The following SETBP1 variants were observed in gnomAD, a reference collection of about 807,000 sequenced individuals.
The protein encoded by SETBP1 is SET-binding protein.
In SETBP1, 9 loss-of-function variants were observed where a neutral mutation model predicts 101.0. The ratio of observed to expected loss-of-function variants is 0.09; its 90% CI spans 0.05 to 0.16. The LOEUF (loss-of-function observed/expected upper bound fraction) is 0.16, where lower values mean the gene tolerates loss of function less well. Ranked by LOEUF, SETBP1 falls within the 10% of genes least tolerant of loss-of-function variation. SETBP1 has a pLI of 1.00. For missense variants in SETBP1, 1,858 were observed against 2,033.8 expected, an observed-to-expected ratio of 0.91 and a Z score of 1.66; for synonymous variants, 818 against 788.5, an observed-to-expected ratio of 1.04 and a Z score of -0.63.
intron 3 of SETBP1, among the ~76,000 whole-genome samples, chr18:44,874,310 T>C (rs1261934872): frequency 6.6e-6 from 1 of 152,242 alleles, no homozygotes; most frequent in Non-Finnish European, 1.5e-5. Flanking sequence ...CATGTTTTAG[T>C]TGATTTGTCT....
At chr18:44,716,075 A>T (rs1392435027) in intron 2 of SETBP1, among the ~76,000 whole-genome samples, 1 of 151,660 alleles carries the variant, frequency 6.6e-6, no homozygotes, top group Non-Finnish European at 1.5e-5. Flanking sequence ...CTTTCAGAAG[A>T]TTTTTTTTTA....
At chr18:44,991,626 A>G (rs1392115604) in intron 4 of SETBP1, among the ~76,000 whole-genome samples, 1 of 152,194 alleles carries the variant, frequency 6.6e-6, no homozygotes, top group African/African-American at 2.4e-5. Context: ...TGTGCATAAT[A>G]ACATAGTTTA....
At chr18:44,825,473 C>T (rs1344394195) in intron 2 of SETBP1, among the ~76,000 whole-genome samples, 2 of 152,286 alleles carry the variant, frequency 1.3e-5, no homozygotes, top group East Asian at 3.9e-4. Flanking sequence ...AGAATTGTCT[C>T]TTATATAGTA....
intron 4 of SETBP1, among the ~76,000 whole-genome samples, chr18:45,017,032 C>G (rs1214838218): frequency 1.3e-5 from 2 of 152,162 alleles, no homozygotes. Context: ...TTTGTCTCGT[C>G]CTTTGTTTTC....
At chr18:44,697,885 C>T (rs1361409999) in intron 1 of SETBP1, among the ~76,000 whole-genome samples, 5 of 152,166 alleles carry the variant, frequency 3.3e-5, no homozygotes, top group Admixed American at 6.5e-5. Flanking sequence ...TTCATTCCTT[C>T]GTGCAACAAA....
chr18:44,760,090 A>T (rs931177082), intron 2 of SETBP1, among the ~76,000 whole-genome samples: 7 of 152,218 alleles, frequency 4.6e-5, no homozygotes, highest in Non-Finnish European at 1.0e-4. Context: ...TAACAGTACT[A>T]GGGTAATACA....
intron 2 of SETBP1, among the ~76,000 whole-genome samples, chr18:44,713,181 T>C (rs1309627109): frequency 6.6e-6 from 1 of 151,930 alleles, no homozygotes; most frequent in Non-Finnish European, 1.5e-5. Flanking sequence ...ATGGTCTCGA[T>C]CTTCTGACCT....
chr18:44,920,177 C>T (rs1169339043), intron 3 of SETBP1, among the ~76,000 whole-genome samples: 1 of 152,162 alleles, frequency 6.6e-6, no homozygotes, highest in Non-Finnish European at 1.5e-5. Context: ...CAGAAAGGAA[C>T]ATTATGTCCT....
At chr18:44,974,059 AT>A (rs1238921659) in intron 4 of SETBP1, among the ~76,000 whole-genome samples, 1 of 152,252 alleles carries the variant, frequency 6.6e-6, no homozygotes, top group African/African-American at 2.4e-5. Context: ...TGAAGTAAAA[AT>A]AAAGTGCAGT....
intron 3 of SETBP1, among the ~76,000 whole-genome samples, chr18:44,907,242 A>T (rs593107): frequency 0.04 from 6,125 of 152,238 alleles, 170 homozygotes; most frequent in Middle Eastern, 0.071. Context: ...TATTTTGTTT[A>T]TCCATTCAAT....
At chr18:44,688,770 A>G (rs1183637064) in intron 1 of SETBP1, among the ~76,000 whole-genome samples, 1 of 152,142 alleles carries the variant, frequency 6.6e-6, no homozygotes, top group African/African-American at 2.4e-5. Context: ...TGGTTTTTAA[A>G]AAAGTATTGA....
chr18:44,816,664 C>G (rs1425236639), intron 2 of SETBP1, among the ~76,000 whole-genome samples: 1 of 152,192 alleles, frequency 6.6e-6, no homozygotes, highest in Non-Finnish European at 1.5e-5. Flanking sequence ...GAAATAAATG[C>G]TGCTTTTACA....
intron 2 of SETBP1, among the ~76,000 whole-genome samples, chr18:44,750,092 A>G (rs116554586): frequency 0.01 from 1,531 of 152,344 alleles, 23 homozygotes; most frequent in African/African-American, 0.034. Flanking sequence ...CTTAATTGCC[A>G]AAGAGGACTT....
chr18:45,063,925 T>G lies in SETBP1; in HGVS notation c.*227T>G. The stretch of plus-strand genomic sequence containing the variant: ...AAGCTTGTCTGAGCTTCACCGCAGC[T>G]CCCACCACGCGGCGCTTCAGTACGG... On this transcript the variant is annotated 3_prime_UTR_variant, in exon 6 of 6. Coordinates refer to ENST00000649279, the MANE Select transcript of SETBP1 (RefSeq NM_015559.3). 1 of 499,324 alleles carries G rather than the reference T, an allele frequency of 2.0e-6. No homozygotes were observed. The highest frequency in any genetic ancestry group is 3.6e-6 in the Non-Finnish European group (1 of 274,718). The allele number at this position is 499,324 out of a possible 1,614,324, so 30.9% of individuals were successfully genotyped here.
rs543853220 is a variant in SETBP1 at position 44,843,346 on chromosome 18, A to G, written c.487-25884A>G. The stretch of plus-strand genomic sequence containing the variant: ...AAATAAAGAGATTTCTCACCCACAT[A>G]CTCATGCACACCACACCCCTACTAG... On this transcript the variant is annotated intron_variant, in intron 2 of 5. Transcript: ENST00000649279. 5.9e-5 allele frequency among the ~76,000 whole-genome samples: 9 copies of G among 151,994 alleles called. No homozygotes were observed. The East Asian group carries it at 1.4e-3, about 23-fold the overall frequency.
chr18:44,951,995 C>G lies in SETBP1; in HGVS notation c.2655C>G (p.Ser885Arg), dbSNP rs143325806. Residue 885 changes from serine to arginine, a missense_variant, in exon 4 of 6, where the codon AGC becomes AGG. By Grantham distance (110) the Ser-to-Arg change is moderately radical. Around this residue, in one of 12 missense-constraint regions of SETBP1, gnomAD observed 255 missense variants for 300.1 expected, o/e 0.85. Transcript: ENST00000649279. This position sits in a 1 kb window ranked among gnomAD's most constrained non-coding sequence, Gnocchi z 7.8. ...NNSTSDQAEKSSESRRRYSFD... is the reference protein window; with the variant it reads ...NNSTSDQAEKRSESRRRYSFD... ...GCACTTCTGACCAAGCGGAGAAGAG[C>G]TCAGAATCCCGAAGGAGGTACTCTT... The G allele has an allele frequency of 2.5e-6, 4 of 1,613,916 alleles. No homozygotes were observed. The highest frequency in any genetic ancestry group is 2.7e-5 in the African/African-American group (2 of 74,878).
At chr18:44,742,598 G>T (rs984446949) in intron 2 of SETBP1, among the ~76,000 whole-genome samples, 3 of 152,204 alleles carry the variant, frequency 2.0e-5, no homozygotes, top group African/African-American at 7.2e-5. Flanking sequence ...CCTACCAGAA[G>T]ATTTGGGAGG....
intron 3 of SETBP1, among the ~76,000 whole-genome samples, chr18:44,878,402 A>G (rs1049336889): frequency 3.3e-5 from 5 of 151,862 alleles, no homozygotes; most frequent in Non-Finnish European, 5.9e-5. Context: ...TTCTCCTGTA[A>G]TTCTGCTCAC....
chr18:44,871,788 T>A (rs633215), intron 3 of SETBP1: 83,212 of 151,918 alleles, frequency 0.55, 22,876 homozygotes, highest in Non-Finnish European at 0.56. Context: ...ACTTTTCAGG[T>A]TGAGCCTGAA....
Sources: allele counts gnomAD v4.1 joint callset (sites outside exome capture counted in the v4.1 genomes callset), GRCh38; gene constraint gnomAD v4.1.1; regional missense constraint gnomAD v4.1.1; non-coding constraint Gnocchi (gnomAD v3.1); transcripts MANE v1.5; gene names NCBI Gene and HGNC (gene_info 2026-07-23, HGNC 2026-07-21).